NDST3: variants seen among roughly 807,000 people sequenced by gnomAD.
NDST3 encodes the protein bifunctional heparan sulfate N-deacetylase/N-sulfotransferase 3.
NDST3 carries 58 observed loss-of-function variants against 96.1 expected under a neutral mutation model. The ratio of observed to expected loss-of-function variants is 0.60; its 90% CI spans 0.49 to 0.75. The LOEUF is 0.75. Ranked by LOEUF, NDST3 falls within the 30% of genes least tolerant of loss-of-function variation. The pLI is 0.00. For synonymous variants in NDST3, 333 were observed against 359.7 expected (o/e 0.93, Z 0.84); for missense variants, 788 against 1,034.2 (o/e 0.76, Z 3.27).
At chr4:118,249,644 G>A (rs989554028) in intron 12 of NDST3, among the ~76,000 whole-genome samples, 1 of 151,892 alleles carries the variant, frequency 6.6e-6, no homozygotes. Flanking sequence ...AAGTCATACA[G>A]AGGCAGAAAT....
chr4:118,211,516 T>C (rs1314098000), intron 6 of NDST3, among the ~76,000 whole-genome samples: 3 of 152,170 alleles, frequency 2.0e-5, no homozygotes, highest in Non-Finnish European at 4.4e-5. Flanking sequence ...CAGATGTAAA[T>C]CCATATTTCA....
intron 4 of NDST3, among the ~76,000 whole-genome samples, chr4:118,136,181 G>A (rs1733073528): frequency 6.6e-6 from 1 of 152,100 alleles, no homozygotes; most frequent in African/African-American, 2.4e-5. Flanking sequence ...TCAAAAAGTT[G>A]TTAACCTCCT....
At chr4:118,049,774 G>A (rs1285666339) in intron 1 of NDST3, among the ~76,000 whole-genome samples, 7 of 150,888 alleles carry the variant, frequency 4.6e-5, no homozygotes, top group African/African-American at 1.7e-4. Flanking sequence ...CACTGGAGCA[G>A]ATGGATTCAC....
intron 4 of NDST3, among the ~76,000 whole-genome samples, chr4:118,132,948 C>A (rs1732758300): frequency 6.6e-6 from 1 of 152,182 alleles, no homozygotes; most frequent in African/African-American, 2.4e-5. Flanking sequence ...AAGACAACGT[C>A]CTCTTTACTC....
chr4:118,096,661 AGATAGAT>A (rs1729331861), intron 2 of NDST3, among the ~76,000 whole-genome samples: 1 of 64,134 alleles, frequency 1.6e-5, no homozygotes, highest in African/African-American at 7.5e-5. Flanking sequence ...TGGCTAGAGT[AGATAGAT>A]AGATAGATAG....
chr4:118,127,192 A>T (rs1732177629), intron 4 of NDST3, among the ~76,000 whole-genome samples: 1 of 151,928 alleles, frequency 6.6e-6, no homozygotes, highest in Non-Finnish European at 1.5e-5. Context: ...GAAGCATTTT[A>T]ACTCGATGTG....
rs1405392901 is a variant in NDST3, at chr4:118,199,166, C to T, written c.1540-25325C>T. On this transcript the variant is annotated intron_variant, in intron 6 of 13. Coordinates refer to ENST00000296499, the MANE Select transcript of NDST3 (RefSeq NM_004784.3). ...CTATGCATATCTCTTTCTCTACATA[C>T]TCTTTAAAGCCAATAACTCTTAGAT... is the stretch of plus-strand genomic sequence containing the variant. 2.0e-5 allele frequency among the ~76,000 whole-genome samples: 3 copies of T among 152,292 alleles called. No individual in the cohort carries two copies. The East Asian group carries it at 5.8e-4, about 29-fold the overall frequency.
intron 2 of NDST3, among the ~76,000 whole-genome samples, chr4:118,080,184 T>C (rs1014010401): frequency 1.3e-5 from 2 of 152,118 alleles, no homozygotes; most frequent in Non-Finnish European, 2.9e-5. Flanking sequence ...GTACCTGGTG[T>C]TAGTTATTAT....
intron 8 of NDST3, among the ~76,000 whole-genome samples, chr4:118,227,226 TG>T (rs748114164): frequency 0.13 from 7,984 of 62,684 alleles, 287 homozygotes; most frequent in Non-Finnish European, 0.25. Context: ...TGGTAGCACA[TG>T]TTTTTTTTTT....
At chr4:118,231,435 ATAC>A (rs1376630925) in intron 8 of NDST3, among the ~76,000 whole-genome samples, 14 of 150,554 alleles carry the variant, frequency 9.3e-5, no homozygotes, top group East Asian at 1.9e-4. Flanking sequence ...AATACTATTT[ATAC>A]TACTATTATT....
In NDST3 at chr4:118,056,295, CCT is replaced by C. The variant is rs966218012; in HGVS notation, c.981+1405_981+1406del. Among the ~76,000 whole-genome samples, 96 of 151,776 alleles carry C rather than the reference CCT, an allele frequency of 6.3e-4. No individual in the cohort carries two copies. In the Middle Eastern group the frequency reaches 0.01, roughly 16 times the overall value. ...AATCCCTGAGTTTTGTATGTAGCCC[CCT>C]GTTTCCCCTAATATTATACAAAATA... On this transcript the variant is annotated intron_variant, in intron 2 of 13. Transcript: ENST00000296499.
At chr4:118,124,582 C>T (rs1387720476) in intron 4 of NDST3, among the ~76,000 whole-genome samples, 1 of 151,952 alleles carries the variant, frequency 6.6e-6, no homozygotes, top group Non-Finnish European at 1.5e-5. Context: ...CTGTGTTCTC[C>T]TAAATCTGTA....
chr4:118,236,826 T>C (rs187566662), intron 9 of NDST3, among the ~76,000 whole-genome samples: 3 of 152,312 alleles, frequency 2.0e-5, no homozygotes, highest in Admixed American at 6.5e-5. Flanking sequence ...TTTCCTGATA[T>C]TAAGCAAAAC....
At chr4:118,141,718 C>A (rs1383099115) in intron 5 of NDST3, among the ~76,000 whole-genome samples, 3 of 152,082 alleles carry the variant, frequency 2.0e-5, no homozygotes, top group African/African-American at 4.8e-5. Flanking sequence ...ATGTTAAATG[C>A]CATTTAACAC....
At chr4:118,173,989 T>TGATA (rs916521597) in intron 6 of NDST3, among the ~76,000 whole-genome samples, 6 of 152,228 alleles carry the variant, frequency 3.9e-5, no homozygotes, top group Non-Finnish European at 7.3e-5. Context: ...GACTGGTTAT[T>TGATA]GATACACTTT....
At chr4:118,053,650 C>T in intron 1 of NDST3, 106 bp from the exon 2 acceptor site, 1 of 333,858 alleles carries the variant, frequency 3.0e-6, no homozygotes, top group Non-Finnish European at 5.5e-6. Flanking sequence ...TACTATACAC[C>T]AGTTCATCTG....
intron 2 of NDST3, among the ~76,000 whole-genome samples, chr4:118,062,437 A>G (rs1386190985): frequency 1.3e-5 from 2 of 152,016 alleles, no homozygotes; most frequent in African/African-American, 4.8e-5. Context: ...GCAATTTGAG[A>G]CCATTCTTCT....
At chr4:118,056,732 A>C (rs1365649272) in intron 2 of NDST3, among the ~76,000 whole-genome samples, 1 of 151,968 alleles carries the variant, frequency 6.6e-6, no homozygotes, top group Non-Finnish European at 1.5e-5. Context: ...AGGAAAGCAC[A>C]TTGTGCTGAG....
intron 10 of NDST3, among the ~76,000 whole-genome samples, chr4:118,237,598 A>G (rs1740727437): frequency 6.6e-6 from 1 of 152,166 alleles, no homozygotes; most frequent in African/African-American, 2.4e-5. Flanking sequence ...TCAGATTGCA[A>G]CAAGTTCAGA....
Sources: gnomAD v4.1 joint callset for allele counts (sites outside exome capture counted in the v4.1 genomes callset) on GRCh38, gnomAD v4.1.1 for gene constraint, MANE v1.5 for transcripts, NCBI Gene and HGNC (gene_info 2026-07-23, HGNC 2026-07-21) for gene names.